Variants in ANXA9 observed in about 807,000 individuals in gnomAD.
The protein encoded by ANXA9 is annexin A9.
In ANXA9, 47 loss-of-function variants were observed where a neutral mutation model predicts 51.8. The ratio of observed to expected loss-of-function variants is 0.91; its 90% CI spans 0.72 to 1.16. ANXA9 has a LOEUF of 1.16. Ranked by LOEUF, ANXA9 falls within the 50% of genes most tolerant of loss-of-function variation. The pLI is 0.00. For synonymous variants in ANXA9, 154 were observed against 168.7 expected, an observed-to-expected ratio of 0.91 and a Z score of 0.68; for missense variants, 361 against 424.7, an observed-to-expected ratio of 0.85 and a Z score of 1.32.
chr1:150,985,342 C>G (rs1346467513), intron 7 of ANXA9, among the ~76,000 whole-genome samples: 1 of 152,106 alleles, frequency 6.6e-6, no homozygotes, highest in Admixed American at 6.5e-5. Flanking sequence ...TGCCATCACA[C>G]CACATTCCAA....
chr1:150,977,727 T>A (rs996910226), upstream of ANXA9, among the ~76,000 whole-genome samples: 2 of 152,150 alleles, frequency 1.3e-5, no homozygotes, highest in Non-Finnish European at 2.9e-5. Flanking sequence ...TAGTACCTAA[T>A]GGAGATTCAG....
At chr1:150,986,712 T>C in intron 9 of ANXA9, 51 bp downstream of exon 9, 1 of 1,513,414 alleles carries the variant, frequency 6.6e-7, no homozygotes, top group Non-Finnish European at 8.9e-7. Context: ...ATAAGATGCC[T>C]TCCTCCACCA....
At chr1:150,992,879 C>T (rs1275028079) in intron 12 of ANXA9, among the ~76,000 whole-genome samples, 3 of 151,992 alleles carry the variant, frequency 2.0e-5, no homozygotes, top group Non-Finnish European at 4.4e-5. Flanking sequence ...GAGTAACAAG[C>T]GTTGGAAGAA....
intron 11 of ANXA9, 42 bp downstream of exon 11, chr1:150,988,228 G>A (rs1671616335): frequency 3.1e-6 from 5 of 1,614,218 alleles, no homozygotes; most frequent in Non-Finnish European, 4.2e-6. Context: ...TCTCTCTTGG[G>A]ATGGGAGATT....
chr1:150,983,931 T>C, intron 4 of ANXA9, 44 bp from the exon 5 acceptor site: 3 of 1,574,424 alleles, frequency 1.9e-6, no homozygotes, highest in African/African-American at 1.3e-5. Context: ...AACATCCCAC[T>C]ATGTAAAGAC....
intron 13 of ANXA9, chr1:150,994,921 G>A (rs587692938): frequency 2.4e-4 from 151 of 622,604 alleles, no homozygotes; most frequent in Non-Finnish European, 2.9e-4. Context: ...GTGAAACCCC[G>A]TCTCTACTAA....
intron 13 of ANXA9, among the ~76,000 whole-genome samples, chr1:150,995,024 A>G (rs1300635949): frequency 1.3e-5 from 2 of 152,350 alleles, no homozygotes; most frequent in Non-Finnish European, 2.9e-5. Context: ...CCCAGAAGGC[A>G]GAGGTTGCAG....
At chr1:150,983,928 C>A in intron 4 of ANXA9, 47 bp from the exon 5 acceptor site, 3 of 1,560,550 alleles carry the variant, frequency 1.9e-6, no homozygotes, top group Non-Finnish European at 2.6e-6. Context: ...AGGAACATCC[C>A]ACTATGTAAA....
At position 150,995,384 on chromosome 1, in the gene ANXA9, C is replaced by A; in HGVS notation, c.*62C>A. The A allele has an allele frequency of 1.3e-6, 2 of 1,513,144 alleles. No individual in the cohort carries two copies. The highest frequency in any genetic ancestry group is 1.8e-6 in the Non-Finnish European group (2 of 1,115,444). The allele number at this position is 1,513,144 out of a possible 1,614,324, so 93.7% of individuals were successfully genotyped here. A position where few individuals can be genotyped will look rare whatever the true frequency, so the allele number is the denominator to read the frequency against. ...CTGAGATTTCCGTGTTTGGCTGAAC[C>A]TGGGAGACCAGCTGGGCCTCCAAGT... On this transcript the variant is annotated 3_prime_UTR_variant, in exon 14 of 14. Coordinates refer to ENST00000368947, the MANE Select transcript of ANXA9 (RefSeq NM_003568.3).
upstream of ANXA9, among the ~76,000 whole-genome samples, chr1:150,978,323 G>A (rs751690829): frequency 6.6e-5 from 10 of 151,512 alleles, no homozygotes; most frequent in Non-Finnish European, 1.3e-4. Flanking sequence ...CCAGCTACTC[G>A]GGAGGCTGAG....
upstream of ANXA9, chr1:150,981,970 T>C (rs1671423448): frequency 6.6e-6 from 1 of 152,060 alleles, no homozygotes; most frequent in Admixed American, 6.6e-5. Context: ...GGTCAGAAGC[T>C]GGGGCAGAGC....
At chr1:150,989,700 T>C (rs1671652876) in intron 12 of ANXA9, among the ~76,000 whole-genome samples, 1 of 152,106 alleles carries the variant, frequency 6.6e-6, no homozygotes, top group Non-Finnish European at 1.5e-5. Context: ...GTAGTTATCA[T>C]TTTGGCAGAT....
At chr1:150,977,564 C>T (rs1426997961), upstream of ANXA9, among the ~76,000 whole-genome samples, 1 of 152,236 alleles carries the variant, frequency 6.6e-6, no homozygotes, top group African/African-American at 2.4e-5. Flanking sequence ...AGAGGACAGG[C>T]CATCTCCAGG....
upstream of ANXA9, among the ~76,000 whole-genome samples, chr1:150,978,891 G>T (rs192378877): frequency 1.8e-3 from 271 of 152,078 alleles, 3 homozygotes; most frequent in South Asian, 0.033. Context: ...TTGAACCAGG[G>T]AGTCGGAGGT....
chr1:150,983,518 G>T lies in ANXA9; in HGVS notation c.172+84G>T, dbSNP rs1386514368. ...GAGGAGCCAGGAAGGAGGAACTAGT[G>T]ATGTTGGAGAAATGTTTGTGGAATG... On this transcript the variant is annotated intron_variant, in intron 4 of 13. Coordinates refer to ENST00000368947, the MANE Select transcript of ANXA9 (RefSeq NM_003568.3). 4 of 1,305,290 alleles carry T rather than the reference G, an allele frequency of 3.1e-6. No individual in the cohort carries two copies. In the East Asian group the frequency reaches 7.6e-5, roughly 25 times the overall value. The allele number at this position is 1,305,290 out of a possible 1,614,324, so 80.9% of individuals were successfully genotyped here.
chr1:150,978,291 TGTG>T (rs1478482538), upstream of ANXA9, among the ~76,000 whole-genome samples: 1 of 150,810 alleles, frequency 6.6e-6, no homozygotes, highest in Non-Finnish European at 1.5e-5. Flanking sequence ...ATTAGCTGGG[TGTG>T]GTGGTGGGCC....
chr1:150,985,595 G>A (rs587669654), intron 7 of ANXA9, among the ~76,000 whole-genome samples: 3 of 151,216 alleles, frequency 2.0e-5, no homozygotes, highest in East Asian at 2.0e-4. Context: ...TTGAGACAAG[G>A]TCTTGCCCTG....
intron 12 of ANXA9, among the ~76,000 whole-genome samples, chr1:150,990,885 C>T (rs1671679538): frequency 6.6e-6 from 1 of 152,032 alleles, no homozygotes; most frequent in African/African-American, 2.4e-5. Context: ...TGGCTCATGC[C>T]TGTAATCTCA....
At chr1:150,985,699 T>C (rs1671539805) in intron 7 of ANXA9, among the ~76,000 whole-genome samples, 1 of 152,124 alleles carries the variant, frequency 6.6e-6, no homozygotes, top group African/African-American at 2.4e-5. Context: ...CCTAAGTAGC[T>C]GGGACTACAG....
Sources: allele counts gnomAD v4.1 joint callset (sites outside exome capture counted in the v4.1 genomes callset), GRCh38; gene constraint gnomAD v4.1.1; transcripts MANE v1.5; gene names NCBI Gene and HGNC (gene_info 2026-07-23, HGNC 2026-07-21).